The following ANO2 variants were observed in gnomAD, a reference collection of about 807,000 sequenced individuals.
The protein encoded by ANO2 is anoctamin 2, also known as anoctamin-2.
ANO2 carries 101 observed loss-of-function variants against 124.2 expected under a neutral mutation model. The observed-to-expected ratio is 0.81, with a 90% confidence interval of 0.69 to 0.96. The LOEUF is 0.96. Among genes scored for constraint, ANO2 ranks in the 40% least tolerant of loss-of-function variants. The pLI is 0.00. For synonymous variants in ANO2, 486 were observed against 482.5 expected, an observed-to-expected ratio of 1.01 and a Z score of -0.09; for missense variants, 1,293 against 1,274.5, an observed-to-expected ratio of 1.01 and a Z score of -0.22.
intron 13 of ANO2, among the ~76,000 whole-genome samples, chr12:5,738,915 A>ACCAGCACCTGACAC (rs1381542418): frequency 1.3e-5 from 2 of 152,146 alleles, no homozygotes; most frequent in Non-Finnish European, 2.9e-5. Context: ...ATCAAAGACA[A>ACCAGCACCTGACAC]CCAGCACCTG....
At position 5,769,158 on chromosome 12, in the gene ANO2, G is replaced by C. The variant is rs1951995017; in HGVS notation, c.1056-18188C>G. Reference sequence around the variant, plus strand: ...GACCCTAGATTTACGACACTCTCCTGTGCTGTGCCACTTTTAAGAAGAGGT... The same window carrying C: ...GACCCTAGATTTACGACACTCTCCTCTGCTGTGCCACTTTTAAGAAGAGGT... On this transcript the variant is annotated intron_variant, in intron 10 of 24. Transcript: ENST00000682330. The surrounding 1 kb of genome is among the most constrained non-coding windows in gnomAD (Gnocchi z 4.0). 6.6e-6 allele frequency among the ~76,000 whole-genome samples: 1 copy of C among 152,170 alleles called. No homozygotes were observed. The highest frequency in any genetic ancestry group is 2.1e-4 in the South Asian group (1 of 4,824).
chr12:5,806,456 C>G (rs1953195607), intron 8 of ANO2, among the ~76,000 whole-genome samples: 1 of 152,236 alleles, frequency 6.6e-6, no homozygotes, highest in African/African-American at 2.4e-5. Flanking sequence ...CAGAACTTAG[C>G]AGTGCATATG....
chr12:5,794,196 A>G (rs1274745296), intron 10 of ANO2, among the ~76,000 whole-genome samples: 1 of 152,192 alleles, frequency 6.6e-6, no homozygotes, highest in Non-Finnish European at 1.5e-5. Flanking sequence ...AAACCCAACC[A>G]TCAAATGATA....
intron 16 of ANO2, among the ~76,000 whole-genome samples, chr12:5,632,412 G>T (rs1423562618): frequency 1.3e-5 from 2 of 151,910 alleles, no homozygotes; most frequent in Non-Finnish European, 2.9e-5. Flanking sequence ...TTTTTGTGAA[G>T]ATGAAATGGA....
chr12:5,775,163 T>C (rs1055764737), intron 10 of ANO2, among the ~76,000 whole-genome samples: 3 of 152,202 alleles, frequency 2.0e-5, no homozygotes, highest in African/African-American at 4.8e-5. Flanking sequence ...TCTATTCCAT[T>C]GCCCTACTTT....
In ANO2 at chr12:5,813,795, T is replaced by C. The variant is rs116922276; in HGVS notation, c.893-6427A>G. On this transcript the variant is annotated intron_variant, in intron 7 of 24. Coordinates refer to ENST00000682330, the MANE Select transcript of ANO2 (RefSeq NM_001364791.2). ...CTCGTTGGCTCATATGTACAGATCA[T>C]GTGGCTCCTTTGAATCACAGAGTCT... 6.6e-5 allele frequency among the ~76,000 whole-genome samples: 10 copies of C among 152,296 alleles called. No individual in the cohort carries two copies. In the East Asian group the frequency reaches 1.9e-3, roughly 29 times the overall value.
intron 12 of ANO2, among the ~76,000 whole-genome samples, chr12:5,743,182 G>A (rs1427363735): frequency 6.6e-6 from 1 of 150,810 alleles, no homozygotes; most frequent in Non-Finnish European, 1.5e-5. Context: ...CTCCTCATAC[G>A]CTCAGGGACG....
At chr12:5,945,828 G>T (rs1943077809), upstream of ANO2, among the ~76,000 whole-genome samples, 1 of 152,198 alleles carries the variant, frequency 6.6e-6, no homozygotes, top group African/African-American at 2.4e-5. Flanking sequence ...ACAAGGGACC[G>T]CAAAACAGGA....
chr12:5,914,780 G>C (rs116405887), intron 3 of ANO2, among the ~76,000 whole-genome samples: 1,556 of 152,286 alleles, frequency 0.01, 21 homozygotes, highest in African/African-American at 0.035. Context: ...TGCAAGGTGA[G>C]AGGTCTTTAG....
rs1385743415 is a variant in ANO2 at position 5,750,960 on chromosome 12, C to T, written c.1066G>A (p.Gly356Arg). The part of the protein sequence containing the change: ...QPIDLIRKYF[G>R]EKIGLYFAWL... ...GCAAAATACAGTCCAATTTTTTCTC[C>T]AAAATACTTTCTGGAAAAGAAAGAA... Residue 356 changes from glycine (G) to arginine (R), a missense_variant, in exon 11 of 25, where the codon GGA (glycine) becomes AGA (arginine). Physicochemically the swap from Gly to Arg is moderately radical, Grantham distance 125 (BLOSUM62 -2). Coordinates refer to ENST00000682330, the MANE Select transcript of ANO2 (RefSeq NM_001364791.2). 4 of 1,598,228 alleles carry T rather than the reference C, an allele frequency of 2.5e-6. No homozygotes were observed. The highest frequency in any genetic ancestry group is 3.4e-6 in the Non-Finnish European group (4 of 1,172,530).
intron 10 of ANO2, among the ~76,000 whole-genome samples, chr12:5,763,242 T>C (rs972422656): frequency 1.3e-5 from 2 of 152,066 alleles, no homozygotes; most frequent in African/African-American, 4.8e-5. Flanking sequence ...ACATGGAAAG[T>C]ACTGTCAAAT....
At chr12:5,650,205 T>C (rs2136958995) in intron 14 of ANO2, among the ~76,000 whole-genome samples, 1 of 152,188 alleles carries the variant, frequency 6.6e-6, no homozygotes, top group South Asian at 2.1e-4. Flanking sequence ...CAGGAGGAGC[T>C]CAGAGACCAC....
intron 22 of ANO2, 147 bp from the exon 23 acceptor site, chr12:5,576,162 T>A (rs888463174): frequency 1.3e-6 from 1 of 767,388 alleles, no homozygotes; most frequent in Non-Finnish European, 1.9e-6. Flanking sequence ...TGCAGCTGAG[T>A]CACATGCCTT....
chr12:5,586,776 C>T (rs1480196441), intron 20 of ANO2, among the ~76,000 whole-genome samples: 5 of 152,138 alleles, frequency 3.3e-5, no homozygotes, highest in Admixed American at 2.0e-4. Flanking sequence ...TCTCTGTCTC[C>T]GTTTTAAGTC....
chr12:5,902,970 C>T (rs1940418669), intron 3 of ANO2, among the ~76,000 whole-genome samples: 1 of 148,462 alleles, frequency 6.7e-6, no homozygotes, highest in South Asian at 2.2e-4. Flanking sequence ...GCAAAGGTCT[C>T]TATGATTTTA....
chr12:5,665,934 G>T (rs1387771387), intron 14 of ANO2, among the ~76,000 whole-genome samples: 1 of 152,066 alleles, frequency 6.6e-6, no homozygotes. Context: ...TTAACGCACA[G>T]AAGTGGCTGG....
intron 3 of ANO2, among the ~76,000 whole-genome samples, chr12:5,878,389 A>G (rs985652621): frequency 2.0e-5 from 3 of 152,178 alleles, no homozygotes; most frequent in African/African-American, 7.2e-5. Context: ...CTTTTCCATA[A>G]TACCACGCTG....
chr12:5,666,426 A>G (rs1168097611), intron 14 of ANO2, among the ~76,000 whole-genome samples: 1 of 152,146 alleles, frequency 6.6e-6, no homozygotes, highest in Non-Finnish European at 1.5e-5. Context: ...CCCCTTATTC[A>G]TTTGGGCAGG....
intron 11 of ANO2, among the ~76,000 whole-genome samples, chr12:5,746,885 C>T (rs762958148): frequency 1.3e-5 from 2 of 152,220 alleles, no homozygotes; most frequent in Non-Finnish European, 2.9e-5. Flanking sequence ...CTAGTGTTCT[C>T]TGTTCATGTA....
Sources: gnomAD v4.1 joint callset for allele counts (sites outside exome capture counted in the v4.1 genomes callset) on GRCh38, gnomAD v4.1.1 for gene constraint, Gnocchi (gnomAD v3.1) non-coding constraint, MANE v1.5 for transcripts, NCBI Gene and HGNC (gene_info 2026-07-23, HGNC 2026-07-21) for gene names.